ARL15: variants seen among roughly 807,000 people sequenced by gnomAD.
ARL15 encodes the protein ADP-ribosylation factor-like protein 15.
In ARL15, 19 loss-of-function variants were observed where a neutral mutation model predicts 25.2. The ratio of observed to expected loss-of-function variants is 0.75; its 90% confidence interval spans 0.53 to 1.10. ARL15 has a LOEUF of 1.10. Ranked by LOEUF, ARL15 falls within the 50% of genes least tolerant of loss-of-function variation. ARL15 has a pLI of 0.00. For missense variants in ARL15, 220 were observed against 246.0 expected (o/e 0.89, Z 0.71); for synonymous variants, 94 against 86.8 (o/e 1.08, Z -0.46).
At chr5:53,901,701 A>G (rs1745072079) in intron 4 of ARL15, among the ~76,000 whole-genome samples, 1 of 152,136 alleles carries the variant, frequency 6.6e-6, no homozygotes, top group Non-Finnish European at 1.5e-5. Flanking sequence ...CTGATATTAC[A>G]AAGTGCAGGT....
At chr5:54,044,863 A>G (rs1750458257) in intron 4 of ARL15, among the ~76,000 whole-genome samples, 1 of 152,220 alleles carries the variant, frequency 6.6e-6, no homozygotes, top group African/African-American at 2.4e-5. Flanking sequence ...ATTTTATTTT[A>G]AACTAGTTTA....
At chr5:54,242,667 T>C (rs1473378881) in intron 1 of ARL15, among the ~76,000 whole-genome samples, 3 of 152,174 alleles carry the variant, frequency 2.0e-5, no homozygotes, top group African/African-American at 7.2e-5. Flanking sequence ...GGGAAGCCTC[T>C]TCTGAAGATG....
intron 4 of ARL15, chr5:54,048,219 C>T (rs955532100): frequency 4.6e-5 from 7 of 152,028 alleles, no homozygotes; most frequent in Non-Finnish European, 7.4e-5. Flanking sequence ...GTGCATGATG[C>T]ACTACAGCCC....
intron 1 of ARL15, among the ~76,000 whole-genome samples, chr5:54,244,752 G>C (rs1757043357): frequency 6.6e-6 from 1 of 151,466 alleles, no homozygotes; most frequent in African/African-American, 2.4e-5. Flanking sequence ...CACCATTAAT[G>C]ATTTCCCTAA....
intron 1 of ARL15, among the ~76,000 whole-genome samples, chr5:54,223,432 G>C (rs1756434207): frequency 6.6e-6 from 1 of 152,056 alleles, no homozygotes; most frequent in Non-Finnish European, 1.5e-5. Flanking sequence ...AGTAGGCTGT[G>C]GTTTAGGAGC....
At chr5:54,104,835 A>G (rs1052087153) in intron 4 of ARL15, among the ~76,000 whole-genome samples, 1 of 152,074 alleles carries the variant, frequency 6.6e-6, no homozygotes, top group Admixed American at 6.5e-5. Flanking sequence ...TCTGCATTAC[A>G]GAATCAAGAG....
At chr5:53,961,353 C>T (rs895568636) in intron 4 of ARL15, among the ~76,000 whole-genome samples, 1 of 151,802 alleles carries the variant, frequency 6.6e-6, no homozygotes, top group East Asian at 1.9e-4. Flanking sequence ...CAAAAATTAG[C>T]CAGGTATGGT....
intron 1 of ARL15, among the ~76,000 whole-genome samples, chr5:54,193,851 C>A (rs539707328): frequency 6.6e-6 from 1 of 151,514 alleles, no homozygotes; most frequent in Admixed American, 6.6e-5. Flanking sequence ...ATAAATTGCT[C>A]AGATCTAGGT....
chr5:53,956,262 G>C (rs1747151648), intron 4 of ARL15, among the ~76,000 whole-genome samples: 2 of 151,808 alleles, frequency 1.3e-5, no homozygotes, highest in East Asian at 3.9e-4. Context: ...CGTTTTAATA[G>C]TTTAGAAATG....
At chr5:54,301,779 G>A (rs1758621602) in intron 1 of ARL15, among the ~76,000 whole-genome samples, 1 of 152,118 alleles carries the variant, frequency 6.6e-6, no homozygotes, top group African/African-American at 2.4e-5. Flanking sequence ...CAGCTCTCCT[G>A]TTGAAAAAAG....
At chr5:53,973,491 T>C (rs1747817437) in intron 4 of ARL15, among the ~76,000 whole-genome samples, 1 of 151,504 alleles carries the variant, frequency 6.6e-6, no homozygotes. Context: ...GGAGAATCAC[T>C]TGAACCCGGG....
At chr5:54,016,251 A>G (rs745399607) in intron 4 of ARL15, among the ~76,000 whole-genome samples, 11 of 152,090 alleles carry the variant, frequency 7.2e-5, no homozygotes, top group Non-Finnish European at 1.5e-4. Flanking sequence ...GCTTCCTTTG[A>G]ATTTTTTCCA....
At chr5:54,248,322 C>G (rs1391579687) in intron 1 of ARL15, among the ~76,000 whole-genome samples, 1 of 152,174 alleles carries the variant, frequency 6.6e-6, no homozygotes, top group Non-Finnish European at 1.5e-5. Context: ...TCCTATCCCA[C>G]CCCACCTCCA....
At chr5:54,237,584 G>A (rs1311946760) in intron 1 of ARL15, among the ~76,000 whole-genome samples, 2 of 152,136 alleles carry the variant, frequency 1.3e-5, no homozygotes, top group Non-Finnish European at 2.9e-5. Context: ...AATTAGTATT[G>A]TCTATTTAAA....
intron 2 of ARL15, among the ~76,000 whole-genome samples, 180 bp downstream of exon 2, chr5:54,171,604 G>A (rs1336104432): frequency 6.6e-6 from 1 of 152,190 alleles, no homozygotes; most frequent in South Asian, 2.1e-4. Context: ...ATAGGATACA[G>A]CAATTTAATG....
intron 4 of ARL15, among the ~76,000 whole-genome samples, chr5:53,897,515 T>C (rs1273540716): frequency 6.6e-6 from 1 of 152,248 alleles, no homozygotes; most frequent in Non-Finnish European, 1.5e-5. Context: ...TTTTGGCTAT[T>C]ATAAATAATG....
intron 1 of ARL15, among the ~76,000 whole-genome samples, chr5:54,175,451 C>T (rs530262068): frequency 9.9e-5 from 15 of 152,048 alleles, no homozygotes; most frequent in African/African-American, 3.1e-4. Context: ...TCTCGTGCCT[C>T]GGCTTCCTGA....
intron 1 of ARL15, among the ~76,000 whole-genome samples, chr5:54,210,380 A>G (rs1756007114): frequency 6.6e-6 from 1 of 152,210 alleles, no homozygotes; most frequent in Non-Finnish European, 1.5e-5. Flanking sequence ...CTCACTTTCC[A>G]GCCAATTTGC....
intron 4 of ARL15, among the ~76,000 whole-genome samples, chr5:53,920,334 G>A (rs55846014): frequency 0.053 from 8,033 of 152,164 alleles, 277 homozygotes; most frequent in Non-Finnish European, 0.082. Flanking sequence ...TCAACTTGGT[G>A]TATATCTTGC....
Sources: gnomAD v4.1 joint callset for allele counts (sites outside exome capture counted in the v4.1 genomes callset) on GRCh38, gnomAD v4.1.1 for gene constraint, MANE v1.5 for transcripts, NCBI Gene and HGNC (gene_info 2026-07-23, HGNC 2026-07-21) for gene names.